PPDPFL: variants seen among roughly 807,000 people sequenced by gnomAD.
The protein encoded by PPDPFL is pancreatic progenitor cell differentiation and proliferation factor-like protein.
PPDPFL carries 12 observed loss-of-function variants against 12.6 expected under a neutral mutation model. The ratio of observed to expected loss-of-function variants is 0.95; its 90% CI spans 0.61 to 1.54. The LOEUF is 1.54. PPDPFL is among the 40% of genes most tolerant of loss of function. The pLI is 0.00. For synonymous variants in PPDPFL, 24 were observed against 32.7 expected, an observed-to-expected ratio of 0.73 and a Z score of 0.91; for missense variants, 114 against 96.0, an observed-to-expected ratio of 1.19 and a Z score of -0.78.
chr8:49,074,843 T>C, intron 4 of PPDPFL: 1 of 1,406,110 alleles, frequency 7.1e-7, no homozygotes, highest in African/African-American at 1.4e-5. Flanking sequence ...ATATTTAAAC[T>C]ACTTATTTTG....
intron 1 of PPDPFL, among the ~76,000 whole-genome samples, chr8:49,066,567 A>AG (rs1808304397): frequency 6.6e-6 from 1 of 152,228 alleles, no homozygotes; most frequent in African/African-American, 2.4e-5. Flanking sequence ...CATATGAGCC[A>AG]GGGGTCAGTA....
At chr8:49,070,746 G>A (rs1233412506), upstream of PPDPFL, among the ~76,000 whole-genome samples, 1 of 152,102 alleles carries the variant, frequency 6.6e-6, no homozygotes, top group East Asian at 1.9e-4. Context: ...TTATTTAATT[G>A]TGTATATTTA....
At chr8:49,054,662 C>CGT (rs140303951) in intron 1 of PPDPFL, among the ~76,000 whole-genome samples, 3 of 151,504 alleles carry the variant, frequency 2.0e-5, no homozygotes, top group African/African-American at 4.9e-5. Context: ...TGTGTTTGTC[C>CGT]GTGTGTGTGT....
chr8:49,072,842 AC>A lies in PPDPFL; in HGVS notation c.14del (p.Pro5LeufsTer7). On this transcript the variant is annotated frameshift_variant, in exon 2 of 5. Coordinates refer to ENST00000522267, the MANE Select transcript of PPDPFL (RefSeq NM_001256597.2). LOFTEE classifies it high-confidence loss of function. MASVPSIGCLLARNQ... is the reference protein window; with the variant it reads MASVXSIGCLLARNQ... ...TCACGGGTAAAGCCATGGCATCCGTACCTTCCATTGGTTGCCTTCTAGCCAG... is the reference window on the plus strand; with the variant it reads ...TCACGGGTAAAGCCATGGCATCCGTACTTCCATTGGTTGCCTTCTAGCCAG... 6.2e-7 allele frequency: 1 copy of A among 1,606,452 alleles called. No homozygotes were observed. The highest frequency in any genetic ancestry group is 8.5e-7 in the Non-Finnish European group (1 of 1,177,180).
chr8:49,072,677 T>C, intron 1 of PPDPFL, 110 bp from the exon 2 acceptor site: 3 of 531,240 alleles, frequency 5.6e-6, no homozygotes, highest in Non-Finnish European at 9.9e-6. Flanking sequence ...CCTTTTATCA[T>C]ATATTTATTA....
intron 4 of PPDPFL, chr8:49,074,797 A>G: frequency 7.0e-7 from 1 of 1,428,916 alleles, no homozygotes. Context: ...GACATTTTGA[A>G]CTCAAACACA....
At chr8:49,068,058 C>T (rs1225295749), upstream of PPDPFL, among the ~76,000 whole-genome samples, 2 of 152,132 alleles carry the variant, frequency 1.3e-5, no homozygotes, top group Non-Finnish European at 2.9e-5. Context: ...CCTGTTGTGA[C>T]ATTTTAATTA....
intron 4 of PPDPFL, 188 bp from the exon 5 acceptor site, chr8:49,074,964 T>C: frequency 4.4e-6 from 6 of 1,372,886 alleles, no homozygotes; most frequent in Non-Finnish European, 5.8e-6. Flanking sequence ...ATTTCCTATC[T>C]AAGACAAATT....
chr8:49,058,852 C>A (rs1808152218), intron 1 of PPDPFL, among the ~76,000 whole-genome samples: 1 of 152,218 alleles, frequency 6.6e-6, no homozygotes, highest in East Asian at 1.9e-4. Context: ...GCGCCACCTC[C>A]ACCCACTTTG....
upstream of PPDPFL, among the ~76,000 whole-genome samples, chr8:49,071,051 C>T (rs1445997512): frequency 6.6e-6 from 1 of 152,130 alleles, no homozygotes; most frequent in African/African-American, 2.4e-5. Context: ...CTCCCTGCCT[C>T]GGGTAATCAC....
chr8:49,072,603 A>G, intron 1 of PPDPFL, 121 bp downstream of exon 1: 2 of 409,930 alleles, frequency 4.9e-6, no homozygotes, highest in East Asian at 4.7e-5. Context: ...ACCTAAATGT[A>G]CTACTTAATT....
intron 2 of PPDPFL, 22 bp downstream of exon 2, chr8:49,072,907 A>T: frequency 6.3e-7 from 1 of 1,585,838 alleles, no homozygotes; most frequent in Non-Finnish European, 8.6e-7. Flanking sequence ...CATCATAGAG[A>T]CGTCCCTAGA....
chr8:49,057,697 TA>T (rs894418897), intron 1 of PPDPFL, among the ~76,000 whole-genome samples: 30 of 152,284 alleles, frequency 2.0e-4, no homozygotes, highest in African/African-American at 6.7e-4. Context: ...AAGTTAGTTT[TA>T]ATGAAGTTCA....
intron 4 of PPDPFL, chr8:49,074,723 T>C: frequency 6.9e-7 from 1 of 1,457,758 alleles, no homozygotes. Flanking sequence ...TGATTTTGAT[T>C]AGCTTCTGTG....
upstream of PPDPFL, among the ~76,000 whole-genome samples, chr8:49,070,074 G>T (rs2129245425): frequency 6.6e-6 from 1 of 152,328 alleles, no homozygotes; most frequent in South Asian, 2.1e-4. Flanking sequence ...AAGAAAGAAT[G>T]AGATCATGTC....
intron 1 of PPDPFL, among the ~76,000 whole-genome samples, chr8:49,062,897 A>T (rs1305954347): frequency 6.6e-6 from 1 of 152,136 alleles, no homozygotes; most frequent in Non-Finnish European, 1.5e-5. Context: ...CACTTCTCAG[A>T]CCCAGAATTT....
At chr8:49,062,011 TC>T (rs1489029359) in intron 1 of PPDPFL, among the ~76,000 whole-genome samples, 1 of 132,444 alleles carries the variant, frequency 7.6e-6, no homozygotes, top group Non-Finnish European at 1.7e-5. Flanking sequence ...GCACCATATG[TC>T]CTTGCTGGAT....
intron 1 of PPDPFL, among the ~76,000 whole-genome samples, chr8:49,056,782 AT>A (rs1175403725): frequency 6.6e-6 from 1 of 152,206 alleles, no homozygotes; most frequent in Non-Finnish European, 1.5e-5. Flanking sequence ...CTAACTTTCC[AT>A]TTTGTGATAG....
chr8:49,056,402 C>T (rs1808113267), intron 1 of PPDPFL, among the ~76,000 whole-genome samples: 1 of 151,874 alleles, frequency 6.6e-6, no homozygotes, highest in Non-Finnish European at 1.5e-5. Flanking sequence ...TCTAAATTAG[C>T]AGTCCTCCAA....
Sources: allele counts gnomAD v4.1 joint callset (sites outside exome capture counted in the v4.1 genomes callset), GRCh38; gene constraint gnomAD v4.1.1; transcripts MANE v1.5; gene names NCBI Gene and HGNC (gene_info 2026-07-23, HGNC 2026-07-21).